The following RBM33 variants were observed in gnomAD, a reference collection of about 807,000 sequenced individuals.
RBM33 encodes the protein RNA binding motif protein 33.
A neutral mutation model predicts 132.6 loss-of-function variants in RBM33; 28 were observed. The ratio of observed to expected loss-of-function variants is 0.21; its 90% confidence interval spans 0.16 to 0.29. The LOEUF is 0.29. Among genes scored for constraint, RBM33 ranks in the 10% least tolerant of loss-of-function variants. The probability of loss-of-function intolerance (pLI) is 1.00; values close to 1 mark genes in which losing one functional copy is unlikely to be tolerated. For synonymous variants in RBM33, 634 were observed against 593.0 expected, an observed-to-expected ratio of 1.07 and a Z score of -1.01; for missense variants, 1,291 against 1,518.5, an observed-to-expected ratio of 0.85 and a Z score of 2.49.
intron 5 of RBM33, among the ~76,000 whole-genome samples, chr7:155,689,672 G>A (rs1310013912): frequency 6.6e-6 from 1 of 152,186 alleles, no homozygotes; most frequent in African/African-American, 2.4e-5. Context: ...GGTATGTTGT[G>A]TCTTTGTTCT....
intron 13 of RBM33, among the ~76,000 whole-genome samples, chr7:155,742,828 T>G (rs1389519537): frequency 6.6e-6 from 1 of 152,212 alleles, no homozygotes; most frequent in Non-Finnish European, 1.5e-5. Flanking sequence ...CTCAGTCTCC[T>G]CATCTGGTAA....
chr7:155,752,097 T>C (rs1801703741), intron 14 of RBM33, among the ~76,000 whole-genome samples: 1 of 152,250 alleles, frequency 6.6e-6, no homozygotes, highest in Non-Finnish European at 1.5e-5. Context: ...CTGGTTTCTG[T>C]GTCCTTTGAT....
intron 14 of RBM33, among the ~76,000 whole-genome samples, chr7:155,750,628 G>A (rs1801660257): frequency 6.6e-6 from 1 of 152,080 alleles, no homozygotes; most frequent in South Asian, 2.1e-4. Context: ...TCCTTGTAAG[G>A]ATTAAACGTC....
chr7:155,653,387 A>G (rs1220732418), intron 1 of RBM33, among the ~76,000 whole-genome samples: 4 of 151,578 alleles, frequency 2.6e-5, no homozygotes, highest in Non-Finnish European at 4.4e-5. Context: ...TAAAAAATGA[A>G]TATTTTTTTC....
chr7:155,686,778 C>G (rs1389461715), intron 5 of RBM33, among the ~76,000 whole-genome samples: 1 of 152,114 alleles, frequency 6.6e-6, no homozygotes, highest in Non-Finnish European at 1.5e-5. Flanking sequence ...TGGTTTCCAG[C>G]TTCATCCATG....
chr7:155,696,796 T>C (rs1435849393), intron 5 of RBM33, among the ~76,000 whole-genome samples: 3 of 152,212 alleles, frequency 2.0e-5, no homozygotes, highest in African/African-American at 4.8e-5. Context: ...AACCCATCGT[T>C]GTCTCTCCAT....
chr7:155,675,042 C>T (rs1799137912), intron 3 of RBM33, among the ~76,000 whole-genome samples: 1 of 152,036 alleles, frequency 6.6e-6, no homozygotes, highest in South Asian at 2.1e-4. Flanking sequence ...CATGGTGGCT[C>T]ACGCCTATAA....
At chr7:155,707,261 C>G in intron 7 of RBM33, 193 bp downstream of exon 7, 4 of 688,036 alleles carry the variant, frequency 5.8e-6, no homozygotes, top group Non-Finnish European at 1.1e-5. Context: ...GCACTCCAGT[C>G]ATCTGGTAGT....
At chr7:155,730,796 A>G (rs959154320) in intron 9 of RBM33, among the ~76,000 whole-genome samples, 1 of 152,216 alleles carries the variant, frequency 6.6e-6, no homozygotes, top group Non-Finnish European at 1.5e-5. Flanking sequence ...TAACATTCAG[A>G]TGCCAGTGAC....
intron 16 of RBM33, chr7:155,766,917 A>T (rs561825415): frequency 6.2e-6 from 3 of 487,774 alleles, no homozygotes; most frequent in Non-Finnish European, 1.1e-5. Flanking sequence ...GATCCTTTTA[A>T]TTGTCATAGA....
chr7:155,764,008 C>A lies in RBM33; in HGVS notation c.3176C>A (p.Pro1059Gln). ...PGIKSIQGIH[P>Q]AKKAIMHGRG... ...ATCAAAAGCATCCAAGGAATTCACC[C>A]GGCGAAGAAGGTACTGCTTGTTGCC... Residue 1059 changes from proline (P) to glutamine (Q), a missense_variant, in exon 15 of 18, where the codon CCG (proline) becomes CAG (glutamine). Pro to Gln is a moderately conservative substitution (Grantham distance 76). Transcript: ENST00000401878. 6.5e-7 allele frequency: 1 copy of A among 1,544,178 alleles called. No homozygotes were observed. The highest frequency in any genetic ancestry group is 2.0e-5 in the Admixed American group (1 of 50,174).
chr7:155,759,123 C>T (rs947477216), intron 14 of RBM33, among the ~76,000 whole-genome samples: 1 of 152,180 alleles, frequency 6.6e-6, no homozygotes, highest in Non-Finnish European at 1.5e-5. Context: ...CACATCAGGA[C>T]CCTTTCTTTA....
intron 3 of RBM33, among the ~76,000 whole-genome samples, chr7:155,677,221 CTTTTTTTT>C (rs55977961): frequency 1.4e-5 from 2 of 140,400 alleles, no homozygotes; most frequent in Admixed American, 7.1e-5. Context: ...TTCTTTTTTT[CTTTTTTTT>C]TTTTTTTGAG....
Position 155,763,795 on chromosome 7 carries a change from C to G in RBM33, c.2980-17C>G, listed in dbSNP as rs2117068276. The G allele has an allele frequency of 6.2e-7, 1 of 1,600,854 alleles. No homozygotes were observed. Among genetic ancestry groups the G allele is most frequent in the Admixed American group, 1.7e-5 (1 of 58,028 alleles). ...GAGCAGACACTGAACAACGTGCTGC[C>G]TTCTTGGTTTCAGCAGGGAGGAGAG... On this transcript the variant is annotated splice_polypyrimidine_tract_variant and intron_variant, in intron 14 of 17. Transcript: ENST00000401878.
chr7:155,662,082 C>T (rs1798666768), intron 1 of RBM33, among the ~76,000 whole-genome samples: 1 of 152,202 alleles, frequency 6.6e-6, no homozygotes, highest in African/African-American at 2.4e-5. Context: ...AGTGTTCACC[C>T]CTCCGCCGAA....
intron 5 of RBM33, among the ~76,000 whole-genome samples, chr7:155,699,132 A>G (rs540761441): frequency 6.6e-6 from 1 of 152,306 alleles, no homozygotes; most frequent in Admixed American, 6.5e-5. Flanking sequence ...TTGTTTGGAA[A>G]GTCTTTGAAC....
chr7:155,729,387 A>G (rs923183690), intron 9 of RBM33, among the ~76,000 whole-genome samples: 1 of 152,184 alleles, frequency 6.6e-6, no homozygotes, highest in African/African-American at 2.4e-5. Context: ...AGGGTGAAGA[A>G]GCCAGTCAGC....
chr7:155,737,419 C>T (rs754217974), intron 9 of RBM33, 111 bp from the exon 10 acceptor site: 28 of 1,062,194 alleles, frequency 2.6e-5, no homozygotes, highest in South Asian at 1.5e-4. Flanking sequence ...TTAGGAGACA[C>T]GTTACTTGAC....
chr7:155,700,334 G>A (rs1471572984), intron 5 of RBM33, among the ~76,000 whole-genome samples: 1 of 152,102 alleles, frequency 6.6e-6, no homozygotes, highest in Non-Finnish European at 1.5e-5. Flanking sequence ...GAAGGTAGGT[G>A]GGGTCAGAGT....
Sources: gnomAD v4.1 joint callset for allele counts (sites outside exome capture counted in the v4.1 genomes callset) on GRCh38, gnomAD v4.1.1 for gene constraint, MANE v1.5 for transcripts, NCBI Gene and HGNC (gene_info 2026-07-23, HGNC 2026-07-21) for gene names.